The following HSD17B12 variants were observed in gnomAD, a reference collection of about 807,000 sequenced individuals.
HSD17B12 encodes hydroxysteroid 17-beta dehydrogenase 12, also known as very-long-chain 3-oxoacyl-CoA reductase.
In HSD17B12, 32 loss-of-function variants were observed where a neutral mutation model predicts 39.3. The ratio of observed to expected loss-of-function variants is 0.81; its 90% CI spans 0.61 to 1.09. HSD17B12 has a LOEUF of 1.09. HSD17B12 is among the 50% of genes least tolerant of loss of function. The probability of loss-of-function intolerance (pLI) is 0.00; values close to 1 mark genes in which losing one functional copy is unlikely to be tolerated. For missense variants in HSD17B12, 342 were observed against 382.9 expected (o/e 0.89, Z 0.89); for synonymous variants, 150 against 146.7 (o/e 1.02, Z -0.16).
intron 1 of HSD17B12, among the ~76,000 whole-genome samples, chr11:43,726,859 A>G (rs958032177): frequency 1.3e-5 from 2 of 152,192 alleles, no homozygotes; most frequent in African/African-American, 4.8e-5. Flanking sequence ...TTAAAACCTG[A>G]TGTAAGAAAA....
upstream of HSD17B12, among the ~76,000 whole-genome samples, chr11:43,679,960 A>C (rs1344750489): frequency 1.3e-5 from 2 of 151,892 alleles, no homozygotes; most frequent in East Asian, 1.9e-4. Flanking sequence ...CAACAATGAC[A>C]GCACGCTTAA....
intron 1 of HSD17B12, among the ~76,000 whole-genome samples, chr11:43,736,795 C>T (rs1370937127): frequency 6.6e-6 from 1 of 152,148 alleles, no homozygotes; most frequent in African/African-American, 2.4e-5. Flanking sequence ...TAAATATGAG[C>T]TGGCGTGTGT....
intron 1 of HSD17B12, among the ~76,000 whole-genome samples, chr11:43,741,643 T>C (rs1488945619): frequency 6.6e-6 from 1 of 152,034 alleles, no homozygotes; most frequent in Non-Finnish European, 1.5e-5. Context: ...CCAGACAATA[T>C]AGTTTAATTT....
chr11:43,786,789 A>G (rs954961705), intron 3 of HSD17B12, among the ~76,000 whole-genome samples: 5 of 152,224 alleles, frequency 3.3e-5, no homozygotes, highest in African/African-American at 4.8e-5. Context: ...AGATTGGATA[A>G]CTTAATGTTA....
At chr11:43,601,975 T>C in the HSD17B12 span, among the ~76,000 whole-genome samples, 1 of 152,232 alleles carries the variant, frequency 6.6e-6, no homozygotes, top group African/African-American at 2.4e-5. Context: ...TTTTGTCAGC[T>C]GCCCCTTTTT....
At chr11:43,627,848 A>G in the HSD17B12 span, among the ~76,000 whole-genome samples, 2 of 151,964 alleles carry the variant, frequency 1.3e-5, no homozygotes, top group African/African-American at 4.8e-5. Context: ...TTCTGTCTTC[A>G]TGGCATTATT....
chr11:43,680,605 G>C (rs1590652697), upstream of HSD17B12: 3 of 559,252 alleles, frequency 5.4e-6, no homozygotes, highest in East Asian at 9.6e-5. Flanking sequence ...TGTGGGAGGG[G>C]CAGTGGAACT....
At chr11:43,830,156 A>G (rs1411922501) in intron 6 of HSD17B12, 1 of 152,246 alleles carries the variant, frequency 6.6e-6, no homozygotes, top group Non-Finnish European at 1.5e-5. Context: ...CAAAATTTCT[A>G]TGCTTAGCAT....
At chr11:43,777,036 G>A (rs1565085096) in intron 3 of HSD17B12, among the ~76,000 whole-genome samples, 2 of 152,194 alleles carry the variant, frequency 1.3e-5, no homozygotes, top group Non-Finnish European at 2.9e-5. Context: ...AAGTCAGGTA[G>A]TGTGATGCCT....
upstream of HSD17B12, among the ~76,000 whole-genome samples, chr11:43,679,076 G>T (rs542114939): frequency 3.9e-5 from 6 of 152,168 alleles, no homozygotes; most frequent in African/African-American, 1.4e-4. Flanking sequence ...AGCATGGAAC[G>T]TTCTTCCATT....
intron 1 of HSD17B12, among the ~76,000 whole-genome samples, chr11:43,686,012 A>C (rs757078266): frequency 6.6e-6 from 1 of 152,242 alleles, no homozygotes; most frequent in African/African-American, 2.4e-5. Context: ...CTGGAAAGTT[A>C]CTAAGGTGCT....
chr11:43,692,063 T>A (rs908812342), intron 1 of HSD17B12, among the ~76,000 whole-genome samples: 1 of 152,206 alleles, frequency 6.6e-6, no homozygotes, highest in Non-Finnish European at 1.5e-5. Context: ...TTCATTCTGG[T>A]GGGCTTTTTC....
chr11:43,605,341 C>T, the HSD17B12 span, among the ~76,000 whole-genome samples: 98 of 152,000 alleles, frequency 6.4e-4, 1 homozygote, highest in Non-Finnish European at 1.3e-3. Flanking sequence ...GTGGGTGGAT[C>T]GCCTGAGGTC....
chr11:43,730,328 A>C (rs1214061298), intron 1 of HSD17B12, among the ~76,000 whole-genome samples: 1 of 152,194 alleles, frequency 6.6e-6, no homozygotes, highest in Non-Finnish European at 1.5e-5. Flanking sequence ...AGCCCCTTTA[A>C]AAAGATTTAT....
At chr11:43,693,632 A>G (rs1949883745) in intron 1 of HSD17B12, among the ~76,000 whole-genome samples, 1 of 152,232 alleles carries the variant, frequency 6.6e-6, no homozygotes, top group African/African-American at 2.4e-5. Flanking sequence ...CCAAGGAAAT[A>G]CTGCATTTAG....
intron 1 of HSD17B12, among the ~76,000 whole-genome samples, chr11:43,689,665 GC>G (rs1273728039): frequency 1.3e-5 from 2 of 152,004 alleles, no homozygotes; most frequent in South Asian, 2.1e-4. Flanking sequence ...TCCTGCCTCA[GC>G]CCCCCAAGTA....
At chr11:43,775,137 G>T (rs1310077065) in intron 3 of HSD17B12, among the ~76,000 whole-genome samples, 1 of 152,170 alleles carries the variant, frequency 6.6e-6, no homozygotes, top group African/African-American at 2.4e-5. Context: ...GTCTCTAAGA[G>T]CAGAGGGCCC....
chr11:43,842,376 T>C (rs1401988385), intron 9 of HSD17B12, among the ~76,000 whole-genome samples: 1 of 152,220 alleles, frequency 6.6e-6, no homozygotes. Flanking sequence ...CTGCTTCCTC[T>C]AAACCCCGAC....
the HSD17B12 span, among the ~76,000 whole-genome samples, chr11:43,671,945 G>C: frequency 6.6e-6 from 1 of 152,200 alleles, no homozygotes. Context: ...CAAAATGACT[G>C]ATTTCAGCTT....
Sources: allele counts gnomAD v4.1 joint callset (sites outside exome capture counted in the v4.1 genomes callset), GRCh38; gene constraint gnomAD v4.1.1; transcripts MANE v1.5; gene names NCBI Gene and HGNC (gene_info 2026-07-23, HGNC 2026-07-21).